ROR2: variants seen among roughly 807,000 people sequenced by gnomAD.
The protein encoded by ROR2 is ROR family WNT receptor 2, also known as tyrosine-protein kinase transmembrane receptor ROR2.
ROR2 carries 33 observed loss-of-function variants against 74.9 expected under a neutral mutation model. The ratio of observed to expected loss-of-function variants is 0.44; its 90% confidence interval spans 0.33 to 0.59. The LOEUF is 0.59. Among genes scored for constraint, ROR2 ranks in the 20% least tolerant of loss-of-function variants. The pLI, the probability that ROR2 is intolerant of heterozygous loss-of-function variation, is 0.02. For missense variants in ROR2, 1,216 were observed against 1,313.8 expected, an observed-to-expected ratio of 0.93 and a Z score of 1.15; for synonymous variants, 586 against 558.7, an observed-to-expected ratio of 1.05 and a Z score of -0.69.
intron 1 of ROR2, among the ~76,000 whole-genome samples, chr9:91,838,595 C>G (rs900193413): frequency 6.6e-6 from 1 of 152,210 alleles, no homozygotes; most frequent in Non-Finnish European, 1.5e-5. Context: ...GATGTTACCA[C>G]TGGGGAATGG....
intron 1 of ROR2, among the ~76,000 whole-genome samples, chr9:91,817,023 G>A (rs1038982886): frequency 6.6e-6 from 1 of 152,180 alleles, no homozygotes; most frequent in African/African-American, 2.4e-5. Context: ...ATCTCAGAAG[G>A]AGAGATATAG....
At chr9:91,916,064 G>A (rs1357700018) in intron 1 of ROR2, among the ~76,000 whole-genome samples, 3 of 152,162 alleles carry the variant, frequency 2.0e-5, no homozygotes, top group Non-Finnish European at 4.4e-5. Context: ...GTCAGCAGAG[G>A]CCCTGGGATG....
chr9:91,903,466 C>T (rs919225582), intron 1 of ROR2, among the ~76,000 whole-genome samples: 1 of 152,016 alleles, frequency 6.6e-6, no homozygotes, highest in Non-Finnish European at 1.5e-5. Context: ...GAAGTCGATT[C>T]GTTGTGTCTT....
chr9:91,894,086 C>A (rs903641882), intron 1 of ROR2, among the ~76,000 whole-genome samples: 5 of 152,220 alleles, frequency 3.3e-5, no homozygotes, highest in South Asian at 2.1e-4. Flanking sequence ...CTGTGGCCTA[C>A]ACAGCCCTTG....
chr9:91,912,698 T>G (rs79545518), intron 1 of ROR2, among the ~76,000 whole-genome samples: 2,477 of 152,164 alleles, frequency 0.016, 65 homozygotes, highest in African/African-American at 0.056. Flanking sequence ...TATTTCTGAT[T>G]TATCAGCTAT....
intron 1 of ROR2, chr9:91,948,973 C>G (rs1243718991): frequency 5.2e-6 from 5 of 953,828 alleles, no homozygotes; most frequent in African/African-American, 1.8e-5. Context: ...AGCTGCACTT[C>G]CGAACCTCCC....
chr9:91,903,985 G>T (rs149618006), intron 1 of ROR2, among the ~76,000 whole-genome samples: 2 of 151,934 alleles, frequency 1.3e-5, no homozygotes, highest in Non-Finnish European at 2.9e-5. Flanking sequence ...ATCCCACAAG[G>T]TAGGAATCAC....
chr9:91,786,295 C>T (rs1200812642), intron 1 of ROR2, among the ~76,000 whole-genome samples: 1 of 151,822 alleles, frequency 6.6e-6, no homozygotes, highest in Non-Finnish European at 1.5e-5. Context: ...CCACTGCACT[C>T]CAGTCTGGGC....
chr9:91,923,500 A>G (rs1335176711), intron 1 of ROR2, among the ~76,000 whole-genome samples: 1 of 152,234 alleles, frequency 6.6e-6, no homozygotes, highest in African/African-American at 2.4e-5. Context: ...AAATTTGCAG[A>G]TGGCTAATTT....
At chr9:91,897,081 C>T (rs1318598341) in intron 1 of ROR2, among the ~76,000 whole-genome samples, 1 of 152,218 alleles carries the variant, frequency 6.6e-6, no homozygotes, top group East Asian at 1.9e-4. Flanking sequence ...GCTGGATGCA[C>T]ACGTAGACCC....
intron 4 of ROR2, 71 bp from the exon 5 acceptor site, chr9:91,737,589 A>C: frequency 6.2e-7 from 1 of 1,609,182 alleles, no homozygotes; most frequent in Non-Finnish European, 8.5e-7. Context: ...TTCTTTTATG[A>C]TCCAGCATCT....
chr9:91,873,200 C>T (rs1032674125), intron 1 of ROR2, among the ~76,000 whole-genome samples: 1 of 134,984 alleles, frequency 7.4e-6, no homozygotes, highest in South Asian at 2.3e-4. Flanking sequence ...TGTACATCGA[C>T]TCATCTACCA....
intron 7 of ROR2, among the ~76,000 whole-genome samples, chr9:91,728,515 C>G (rs1237643767): frequency 6.6e-6 from 1 of 152,214 alleles, no homozygotes; most frequent in Admixed American, 6.5e-5. Flanking sequence ...ACTGCAACCT[C>G]TGCCCCCTGG....
chr9:91,811,406 G>C (rs1827747435), intron 1 of ROR2, among the ~76,000 whole-genome samples: 1 of 152,238 alleles, frequency 6.6e-6, no homozygotes. Context: ...CTCCAGTGAG[G>C]GGGAGGGTCT....
chr9:91,839,304 G>A (rs1160541836), intron 1 of ROR2, among the ~76,000 whole-genome samples: 1 of 149,110 alleles, frequency 6.7e-6, no homozygotes, highest in Non-Finnish European at 1.5e-5. Context: ...GTAAGTACAG[G>A]CATGTGTGCC....
At chr9:91,849,962 T>C (rs914738212) in intron 1 of ROR2, among the ~76,000 whole-genome samples, 1 of 152,258 alleles carries the variant, frequency 6.6e-6, no homozygotes, top group Non-Finnish European at 1.5e-5. Context: ...GAGTTGGTTT[T>C]CTGGTCATTT....
At chr9:91,889,236 G>GA (rs917255917) in intron 1 of ROR2, among the ~76,000 whole-genome samples, 3 of 152,178 alleles carry the variant, frequency 2.0e-5, no homozygotes, top group African/African-American at 7.2e-5. Flanking sequence ...CCGAGTGTGG[G>GA]ACCCACTCCC....
At chr9:91,940,594 CT>C (rs570738211) in intron 1 of ROR2, among the ~76,000 whole-genome samples, 7,064 of 142,466 alleles carry the variant, frequency 0.05, 444 homozygotes, top group East Asian at 0.25. Context: ...ACGTGCAATT[CT>C]TTTTTTTTTT....
intron 1 of ROR2, among the ~76,000 whole-genome samples, 178 bp downstream of exon 1, chr9:91,949,689 G>A (rs1198902561): frequency 6.6e-6 from 1 of 152,212 alleles, no homozygotes; most frequent in Non-Finnish European, 1.5e-5. Flanking sequence ...CCAGCCCGAG[G>A]GGGTCCGGGG....
Sources: gnomAD v4.1 joint callset for allele counts (sites outside exome capture counted in the v4.1 genomes callset) on GRCh38, gnomAD v4.1.1 for gene constraint, MANE v1.5 for transcripts, NCBI Gene and HGNC (gene_info 2026-07-23, HGNC 2026-07-21) for gene names.